The following GKAP1 variants were observed in gnomAD, a reference collection of about 807,000 sequenced individuals.
GKAP1 encodes G kinase anchoring protein 1, also known as G kinase-anchoring protein 1.
In GKAP1, 31 loss-of-function variants were observed where a neutral mutation model predicts 56.7. That is an observed-to-expected ratio of 0.55 (90% CI 0.41 to 0.74). GKAP1 has a LOEUF of 0.74. Ranked by LOEUF, GKAP1 falls within the 30% of genes least tolerant of loss-of-function variation. The probability of loss-of-function intolerance (pLI) is 0.00; values close to 1 mark genes in which losing one functional copy is unlikely to be tolerated. For synonymous variants in GKAP1, 151 were observed against 138.6 expected (o/e 1.09, Z -0.63); for missense variants, 364 against 402.3 (o/e 0.90, Z 0.82).
chr9:83,803,224 T>TCCCTCTC (rs374838110), intron 3 of GKAP1, among the ~76,000 whole-genome samples: 23,766 of 145,122 alleles, frequency 0.16, 2,402 homozygotes, highest in Middle Eastern at 0.21. Context: ...ACCATGTAGC[T>TCCCTCTC]CCCTCTCCCC....
rs752093981 is a variant in GKAP1, at chr9:83,748,407, AAAGT to A, written c.841-39_841-36del. 5.0e-5 allele frequency: 60 copies of A among 1,203,530 alleles called. No homozygotes were observed. In the East Asian group the frequency reaches 1.4e-3, roughly 28 times the overall value. 74.6% of individuals were successfully genotyped at this position (1,203,530 alleles called of 1,614,324 possible). ...AAAGAAAAAAGATTTAGTTTTTTTA[AAAGT>A]AAGTGATATAATTAATGATTTACTG... On this transcript the variant is annotated intron_variant, in intron 9 of 12. Coordinates refer to ENST00000376371, the MANE Select transcript of GKAP1 (RefSeq NM_025211.4).
Position 83,788,619 on chromosome 9 carries a change from T to C in GKAP1, c.420A>G (p.Glu140=). The C allele has an allele frequency of 6.3e-7, 1 of 1,591,106 alleles. No individual in the cohort carries two copies. The highest frequency in any genetic ancestry group is 1.1e-5 in the South Asian group (1 of 89,674). Residue 140 remains glutamate (E), a synonymous_variant, in exon 5 of 13, where the codon GAA becomes GAG. Transcript: ENST00000376371. Reference sequence around the variant, plus strand: ...TAAATACCTTTTTGTGCTCTTCATATTCTAGTTTACTTAGTAACAATGCCT... The same window carrying C: ...TAAATACCTTTTTGTGCTCTTCATACTCTAGTTTACTTAGTAACAATGCCT... The part of the protein sequence containing the change: ...LEKALLLSKL[E]YEEHKKEYED...
intron 10 of GKAP1, among the ~76,000 whole-genome samples, chr9:83,743,217 ATCTAC>A (rs569907398): frequency 6.8e-4 from 104 of 152,284 alleles, no homozygotes; most frequent in Admixed American, 1.2e-3. Flanking sequence ...TAATTTTTAT[ATCTAC>A]TCTAAATAGG....
At chr9:83,815,124 A>C (rs1183012799) in intron 2 of GKAP1, among the ~76,000 whole-genome samples, 1 of 152,176 alleles carries the variant, frequency 6.6e-6, no homozygotes, top group Non-Finnish European at 1.5e-5. Context: ...GTGAGCCAAG[A>C]CTGCGCCACC....
Position 83,806,283 on chromosome 9 carries a change from A to G in GKAP1, c.216+19T>C. The G allele has an allele frequency of 6.8e-7, 1 of 1,479,294 alleles. No individual in the cohort carries two copies. Among genetic ancestry groups the G allele is most frequent in the Non-Finnish European group, 9.2e-7 (1 of 1,086,650 alleles). 91.6% of individuals were successfully genotyped at this position (1,479,294 alleles called of 1,614,324 possible). On this transcript the variant is annotated intron_variant, in intron 3 of 12. Coordinates refer to ENST00000376371, the MANE Select transcript of GKAP1 (RefSeq NM_025211.4). ...TTACCATCTACTGGGAAAGCAGACA[A>G]CACAGATAATTGTGTTACCTCATTT... is the stretch of plus-strand genomic sequence containing the variant.
chr9:83,741,118 A>C (rs1943199556), intron 12 of GKAP1, among the ~76,000 whole-genome samples: 2 of 152,088 alleles, frequency 1.3e-5, no homozygotes, highest in Non-Finnish European at 2.9e-5. Flanking sequence ...AACTCCTACC[A>C]TGCTTCTCGA....
chr9:83,804,623 G>A (rs1261747527), intron 3 of GKAP1, among the ~76,000 whole-genome samples: 1 of 139,066 alleles, frequency 7.2e-6, no homozygotes, highest in Non-Finnish European at 1.6e-5. Flanking sequence ...GAGGGAGGTG[G>A]GGGGGGTCAG....
chr9:83,740,372 C>A (rs549104706), intron 12 of GKAP1, among the ~76,000 whole-genome samples: 1 of 152,014 alleles, frequency 6.6e-6, no homozygotes, highest in Admixed American at 6.6e-5. Flanking sequence ...TTTAACATAA[C>A]ATAACATAAC....
chr9:83,815,108 G>C (rs1256882856), intron 2 of GKAP1, among the ~76,000 whole-genome samples: 1 of 152,284 alleles, frequency 6.6e-6, no homozygotes, highest in East Asian at 1.9e-4. Flanking sequence ...GGAGGTAGAG[G>C]TTGCAGTGAG....
chr9:83,803,382 G>A (rs1439593072), intron 3 of GKAP1, among the ~76,000 whole-genome samples: 1 of 152,060 alleles, frequency 6.6e-6, no homozygotes, highest in Non-Finnish European at 1.5e-5. Flanking sequence ...CCTGCCGAGT[G>A]CCTGCGATTG....
chr9:83,755,406 C>T (rs929534494), intron 8 of GKAP1, among the ~76,000 whole-genome samples: 1 of 152,054 alleles, frequency 6.6e-6, no homozygotes, highest in African/African-American at 2.4e-5. Context: ...CTTTAACTGT[C>T]GTGAACATGG....
At chr9:83,774,923 G>A (rs761482905) in intron 7 of GKAP1, among the ~76,000 whole-genome samples, 11 of 151,160 alleles carry the variant, frequency 7.3e-5, no homozygotes, top group African/African-American at 1.2e-4. Context: ...TGGCCAGGAC[G>A]GTCTCGATCT....
At chr9:83,757,845 GAA>G (rs112784672) in intron 8 of GKAP1, among the ~76,000 whole-genome samples, 1 of 141,124 alleles carries the variant, frequency 7.1e-6, no homozygotes, top group Non-Finnish European at 1.6e-5. Context: ...ACAGAAAAGT[GAA>G]AAAAAAAAAG....
chr9:83,753,220 A>G (rs1191289378), intron 9 of GKAP1, 38 bp downstream of exon 9: 1 of 1,189,052 alleles, frequency 8.4e-7, no homozygotes. Context: ...GAAAATTTAT[A>G]GAATTATTTT....
chr9:83,805,134 T>C (rs1003817241), intron 3 of GKAP1, among the ~76,000 whole-genome samples: 91 of 152,328 alleles, frequency 6.0e-4, no homozygotes, highest in African/African-American at 2.1e-3. Flanking sequence ...AGATAAATTC[T>C]TCTGCCTTGG....
In GKAP1 at chr9:83,768,892, T is replaced by C. The variant is rs766110123; in HGVS notation, c.664A>G (p.Ile222Val). 5.0e-6 allele frequency: 8 copies of C among 1,611,640 alleles called. No homozygotes were observed. In the Admixed American group the frequency reaches 1.2e-4, roughly 24 times the overall value. ...RLEDDVHKIL[I>V]REKRREQLTE... is the part of the protein sequence containing the mutation. ...AGCTGTTCTCTTCGTTTTTCTCTAA[T>C]AAGAATTTTATGAACATCATCTTCC... is the stretch of plus-strand genomic sequence containing the variant. Residue 222 changes from isoleucine to valine, a missense_variant, in exon 8 of 13, where the codon ATT becomes GTT. Coordinates refer to ENST00000376371, the MANE Select transcript of GKAP1 (RefSeq NM_025211.4).
In GKAP1 at chr9:83,817,598, CACTGGGCGTTGGG is replaced by C; in HGVS notation, c.-270_-258del. Reference sequence around the variant, plus strand: ...TCTCCCGCGGCTCCCCGGGCGGCCGCACTGGGCGTTGGGACTGGTCTGGGTCAAGTGTCGGCAG... The same window carrying C: ...TCTCCCGCGGCTCCCCGGGCGGCCGCACTGGTCTGGGTCAAGTGTCGGCAG... On this transcript the variant is annotated 5_prime_UTR_variant, in exon 1 of 13. Coordinates refer to ENST00000376371, the MANE Select transcript of GKAP1 (RefSeq NM_025211.4). 1 of 151,856 alleles carries C rather than the reference CACTGGGCGTTGGG, an allele frequency of 6.6e-6. No individual in the cohort carries two copies. The highest frequency in any genetic ancestry group is 2.4e-5 in the African/African-American group (1 of 41,456). 9.4% of individuals were successfully genotyped at this position (151,856 alleles called of 1,614,324 possible).
chr9:83,764,176 G>A (rs1368612075), intron 8 of GKAP1, among the ~76,000 whole-genome samples: 1 of 152,108 alleles, frequency 6.6e-6, no homozygotes, highest in Non-Finnish European at 1.5e-5. Context: ...TTGGTGATAC[G>A]GTTTGGCTCT....
chr9:83,776,814 A>G (rs1001681016), intron 7 of GKAP1, among the ~76,000 whole-genome samples: 15 of 152,198 alleles, frequency 9.9e-5, no homozygotes, highest in African/African-American at 3.4e-4. Flanking sequence ...ATCATTTATC[A>G]TAATTTTAGA....
Sources: allele counts gnomAD v4.1 joint callset (sites outside exome capture counted in the v4.1 genomes callset), GRCh38; gene constraint gnomAD v4.1.1; transcripts MANE v1.5; gene names NCBI Gene and HGNC (gene_info 2026-07-23, HGNC 2026-07-21).